The following ZNF730 variants were observed in gnomAD, a reference collection of about 807,000 sequenced individuals.
The protein encoded by ZNF730 is zinc finger protein 730.
Under a neutral mutation model 12.6 loss-of-function variants are expected in ZNF730, and 12 were observed. That is an observed-to-expected ratio of 0.95 (90% CI 0.61 to 1.54). The LOEUF (loss-of-function observed/expected upper bound fraction) is 1.54. Ranked by LOEUF, ZNF730 falls within the 40% of genes most tolerant of loss-of-function variation. ZNF730 has a pLI of 0.00. For synonymous variants in ZNF730, 194 were observed against 195.8 expected, an observed-to-expected ratio of 0.99 and a Z score of 0.08; for missense variants, 643 against 583.5, an observed-to-expected ratio of 1.10 and a Z score of -1.05.
chr19:23,112,024 A>G (rs1397008173), intron 1 of ZNF730, among the ~76,000 whole-genome samples: 3 of 143,122 alleles, frequency 2.1e-5, no homozygotes, highest in Non-Finnish European at 4.7e-5. Context: ...TTAATAGTCT[A>G]CTGACTGTGG....
rs769590736 is a variant in ZNF730 at position 23,135,929 on chromosome 19, G to C, written c.131-19G>C. ...ATTGGAGAATATGAGCAAGATTCAT[G>C]TTATTTTTCATAAAACAGGTATTGC... On this transcript the variant is annotated intron_variant, in intron 2 of 3. Coordinates refer to ENST00000597761, the MANE Select transcript of ZNF730 (RefSeq NM_001277403.2). 1.3e-6 allele frequency: 2 copies of C among 1,597,006 alleles called. No individual in the cohort carries two copies. Among genetic ancestry groups the C allele is most frequent in the Admixed American group, 3.4e-5 (2 of 59,456 alleles).
chr19:23,085,844 T>TC (rs1599567266), intron 1 of ZNF730, among the ~76,000 whole-genome samples: 2 of 87,856 alleles, frequency 2.3e-5, no homozygotes, highest in East Asian at 3.0e-4. Flanking sequence ...TTCTTTTTTT[T>TC]TTTTTTTTTT....
chr19:23,142,426 G>A (rs139187624), intron 3 of ZNF730, among the ~76,000 whole-genome samples: 8,212 of 149,096 alleles, frequency 0.055, 258 homozygotes, highest in Middle Eastern at 0.088. Flanking sequence ...GCTCACTCCT[G>A]TAATCCCAGT....
chr19:23,141,607 C>T (rs1039810250), intron 3 of ZNF730, among the ~76,000 whole-genome samples: 8 of 152,128 alleles, frequency 5.3e-5, no homozygotes, highest in African/African-American at 1.9e-4. Flanking sequence ...AACCTTTCTA[C>T]AAGAGCACAA....
intron 1 of ZNF730, among the ~76,000 whole-genome samples, chr19:23,077,036 G>A (rs1969873721): frequency 1.3e-5 from 2 of 152,120 alleles, no homozygotes; most frequent in Admixed American, 1.3e-4. Flanking sequence ...TCTTTCGGAG[G>A]AATGTGGATG....
chr19:23,144,228 A>G (rs922510480), intron 3 of ZNF730: 4 of 151,900 alleles, frequency 2.6e-5, no homozygotes, highest in Admixed American at 1.3e-4. Flanking sequence ...TCTTTAATTG[A>G]GATTTGGACA....
intron 2 of ZNF730, among the ~76,000 whole-genome samples, chr19:23,135,502 C>A (rs1970815872): frequency 6.6e-6 from 1 of 151,654 alleles, no homozygotes; most frequent in Non-Finnish European, 1.5e-5. Flanking sequence ...TTAGAAATTT[C>A]TTTTCTTTAT....
intron 1 of ZNF730, among the ~76,000 whole-genome samples, chr19:23,131,215 C>G (rs1268616401): frequency 6.6e-6 from 1 of 152,254 alleles, no homozygotes; most frequent in Non-Finnish European, 1.5e-5. Flanking sequence ...TTCCTCTCAT[C>G]TGTTTATGTT....
chr19:23,089,102 C>T (rs1258513852), intron 1 of ZNF730, among the ~76,000 whole-genome samples: 2 of 152,126 alleles, frequency 1.3e-5, no homozygotes, highest in Non-Finnish European at 2.9e-5. Flanking sequence ...GAACTCTCGA[C>T]CTCAGGCGAT....
intron 1 of ZNF730, 36 bp downstream of exon 1, chr19:23,117,212 C>A: frequency 3.7e-6 from 6 of 1,613,580 alleles, no homozygotes; most frequent in East Asian, 2.2e-5. Context: ...AGAGAGGGAA[C>A]GGGGCTGGTT....
chr19:23,117,228 C>A, intron 1 of ZNF730, 52 bp downstream of exon 1: 1 of 1,613,060 alleles, frequency 6.2e-7, no homozygotes, highest in Non-Finnish European at 8.5e-7. Context: ...TGGTTGGAAC[C>A]GGTGGGAAGC....
Position 23,134,149 on chromosome 19 carries a change from C to T in ZNF730, c.73C>T (p.Gln25Ter), listed in dbSNP as rs975204730. 1 of 1,613,024 alleles carries T rather than the reference C, an allele frequency of 6.2e-7. No individual in the cohort carries two copies. The highest frequency in any genetic ancestry group is 1.1e-5 in the South Asian group (1 of 90,874). ...GGAGTGGCAATGTCTGGACACCGAA[C>T]AACAGAATTTATATAGAAATGTAAT... ...LEEWQCLDTE[Q>*]QNLYRNVMLD... The change falls in exon 2 of 4, where the codon CAA becomes TAA. Residue 25 changes from glutamine to a stop codon, truncating the protein, a stop_gained. Transcript: ENST00000597761. LOFTEE classifies it high-confidence loss of function.
upstream of ZNF730, chr19:23,117,011 C>T (rs907838024): frequency 6.2e-6 from 7 of 1,125,876 alleles, no homozygotes; most frequent in Non-Finnish European, 8.2e-6. Context: ...GGGCGGCTTC[C>T]GGGATTTGGC....
chr19:23,122,067 G>GTTTT (rs200655309), intron 1 of ZNF730, among the ~76,000 whole-genome samples: 1 of 141,036 alleles, frequency 7.1e-6, no homozygotes, highest in African/African-American at 2.6e-5. Flanking sequence ...TTTGGCAAAG[G>GTTTT]TTTTTTTTTG....
At position 23,136,229 on chromosome 19, in the gene ZNF730, C is replaced by CT. The variant is rs535735076; in HGVS notation, c.226+192dup. 9.2e-4 allele frequency: 325 copies of CT among 354,168 alleles called. 3 individuals are homozygous for CT. Among genetic ancestry groups the CT allele is most frequent in the African/African-American group, 6.0e-3 (276 of 45,694 alleles). The allele number at this position is 354,168 out of a possible 1,614,324, so 21.9% of individuals were successfully genotyped here. ...CACATAGAAGCATCTTTTGTTTTAT[C>CT]TTTTTTAAAATCTCTAAAAATTCTT... On this transcript the variant is annotated intron_variant, in intron 3 of 3. Transcript: ENST00000597761.
chr19:23,086,269 T>C lies in ZNF730; in HGVS notation c.-94+10882T>C, dbSNP rs796561959. ...CCCATACCGTAGGTTCTGTTTACTC[T>C]GTTCATAGTTTCTTTTGCTTTGCAG... On this transcript the variant is annotated intron_variant, in intron 1 of 2. Transcript: ENST00000593635. Among the ~76,000 whole-genome samples, 47 of 152,372 alleles carry C rather than the reference T, an allele frequency of 3.1e-4. 1 individual carries two copies. Among genetic ancestry groups the C allele is most frequent in the African/African-American group, 1.1e-3 (45 of 41,596 alleles).
chr19:23,146,049 TG>T lies in ZNF730; in HGVS notation c.1007del (p.Gly336GlufsTer25). On this transcript the variant is annotated frameshift_variant, in exon 4 of 4. Transcript: ENST00000597761. LOFTEE classifies it low-confidence loss of function (END_TRUNC). ...TTACAAAACATAAAAGAATTCATAA[TG>T]GAGAAAAACCCTACAAATGTGAAGA... ...TLTKHKRIHN[G>X]EKPYKCEECG... 6.2e-7 allele frequency: 1 copy of T among 1,611,646 alleles called. No individual in the cohort carries two copies. Among genetic ancestry groups the T allele is most frequent in the South Asian group, 1.1e-5 (1 of 90,824 alleles).
chr19:23,108,879 A>G lies in ZNF730; in HGVS notation c.-93-25201A>G, dbSNP rs574517036. On this transcript the variant is annotated intron_variant, in intron 1 of 2. Transcript: ENST00000593635. Reference sequence around the variant, plus strand: ...ATTCTCCTGTCTCAGCCTTCCAAGTAGCAGGGATTACAGGTGTGTGCCACC... The same window carrying G: ...ATTCTCCTGTCTCAGCCTTCCAAGTGGCAGGGATTACAGGTGTGTGCCACC... Among the ~76,000 whole-genome samples, 98 of 149,824 alleles carry G rather than the reference A, an allele frequency of 6.5e-4. 1 individual carries two copies. In the South Asian group the frequency reaches 7.6e-3, roughly 12 times the overall value.
At chr19:23,078,452 A>G (rs1969905562) in intron 1 of ZNF730, among the ~76,000 whole-genome samples, 1 of 152,142 alleles carries the variant, frequency 6.6e-6, no homozygotes, top group Non-Finnish European at 1.5e-5. Context: ...TGTGCACATC[A>G]AAGTACAGCA....
Sources: allele counts gnomAD v4.1 joint callset (sites outside exome capture counted in the v4.1 genomes callset), GRCh38; gene constraint gnomAD v4.1.1; transcripts MANE v1.5; gene names NCBI Gene and HGNC (gene_info 2026-07-23, HGNC 2026-07-21).